SP6: variants seen among roughly 807,000 people sequenced by gnomAD.
SP6 encodes the protein transcription factor Sp6.
In SP6, 10 loss-of-function variants were observed where a neutral mutation model predicts 23.4. The observed-to-expected ratio is 0.43, with a 90% CI of 0.26 to 0.72. The LOEUF (loss-of-function observed/expected upper bound fraction) is 0.72. Ranked by LOEUF, SP6 falls within the 30% of genes least tolerant of loss-of-function variation. The pLI, the probability that SP6 is intolerant of heterozygous loss-of-function variation, is 0.23. For missense variants in SP6, 482 were observed against 523.8 expected (o/e 0.92, Z 0.78); for synonymous variants, 238 against 238.7 (o/e 1.00, Z 0.03).
At chr17:47,864,001 C>CTT in the SP6 span, among the ~76,000 whole-genome samples, 244 of 101,578 alleles carry the variant, frequency 2.4e-3, 11 homozygotes, top group African/African-American at 5.6e-3. Context: ...CCGCGCCTGG[C>CTT]TTTTTTTTTT....
chr17:47,859,662 G>A (rs1430851792), upstream of SP6, among the ~76,000 whole-genome samples: 14 of 152,274 alleles, frequency 9.2e-5, 1 homozygote, highest in Middle Eastern at 0.024. Context: ...AGCCTGGGTC[G>A]GGGAACTTAA....
chr17:47,868,517 C>T, the SP6 span, among the ~76,000 whole-genome samples: 1 of 152,284 alleles, frequency 6.6e-6, no homozygotes, highest in Admixed American at 6.5e-5. Context: ...CCAGAGCTGC[C>T]TACATCAGAG....
rs1296716024 is a variant in SP6 at position 47,847,669 on chromosome 17, T to C, written c.761A>G (p.His254Arg). ...CCCGCAGCCCGGGATGTGGCAGTTG[T>C]GCAAATGCTTCTTCTTGCCCCCATC... Reference protein sequence around the residue: ...GPDGGKKKHLHNCHIPGCGKA... With the variant: ...GPDGGKKKHLRNCHIPGCGKA... The change falls in exon 2 of 2, where the codon CAC becomes CGC. Residue 254 changes from histidine to arginine, a missense_variant. Physicochemically the swap from His to Arg is conservative, Grantham distance 29. Transcript: ENST00000536300. The C allele has an allele frequency of 1.2e-6, 2 of 1,612,144 alleles. No homozygotes were observed. Among genetic ancestry groups the C allele is most frequent in the Admixed American group, 1.7e-5 (1 of 59,956 alleles).
the SP6 span, among the ~76,000 whole-genome samples, chr17:47,862,046 G>GAAAAAAAA: frequency 8.1e-6 from 1 of 122,702 alleles, no homozygotes; most frequent in African/African-American, 3.1e-5. Flanking sequence ...CCCTGTCTCA[G>GAAAAAAAA]AAAAAAAAAA....
chr17:47,872,008 C>A, the SP6 span, among the ~76,000 whole-genome samples: 1 of 152,270 alleles, frequency 6.6e-6, no homozygotes, highest in African/African-American at 2.4e-5. Flanking sequence ...TTGTCTCAGG[C>A]CCAATCTATT....
chr17:47,854,831 T>G (rs1287101418), upstream of SP6, among the ~76,000 whole-genome samples: 1 of 151,602 alleles, frequency 6.6e-6, no homozygotes. Flanking sequence ...CAGACCAGAG[T>G]CTGGTCCTGT....
chr17:47,852,724 C>T (rs976174472), upstream of SP6, among the ~76,000 whole-genome samples: 4 of 152,002 alleles, frequency 2.6e-5, no homozygotes, highest in African/African-American at 9.7e-5. Flanking sequence ...TGCATGGTAC[C>T]CCTCAGACAC....
chr17:47,850,190 G>A (rs2033939737), intron 1 of SP6, among the ~76,000 whole-genome samples: 1 of 152,174 alleles, frequency 6.6e-6, no homozygotes, highest in South Asian at 2.1e-4. Context: ...GGGAAGGCTA[G>A]GATAATCTGG....
chr17:47,855,968 G>A (rs919825039), upstream of SP6: 1 of 152,262 alleles, frequency 6.6e-6, no homozygotes, highest in African/African-American at 2.4e-5. Flanking sequence ...GTGGGAGAGG[G>A]ACAAAGTGGT....
In SP6 at chr17:47,846,874, A is replaced by T; in HGVS notation, c.*425T>A. 6.1e-6 allele frequency: 1 copy of T among 164,742 alleles called. No individual in the cohort carries two copies. The allele number at this position is 164,742 out of a possible 1,614,324, so 10.2% of individuals were successfully genotyped here. A position where few individuals can be genotyped will look rare whatever the true frequency, so the allele number is the denominator to read the frequency against. ...GCAGGGCGGCTCCGGAGGCGCTTTT[A>T]TGTCCTGGTTCCCAGGCGCTAAGGA... On this transcript the variant is annotated 3_prime_UTR_variant, in exon 2 of 2. Transcript: ENST00000536300.
chr17:47,859,123 C>T (rs1414882405), upstream of SP6, among the ~76,000 whole-genome samples: 1 of 152,158 alleles, frequency 6.6e-6, no homozygotes, highest in East Asian at 1.9e-4. Flanking sequence ...ATCTCCAACA[C>T]ATCCAGTGGC....
chr17:47,850,753 T>A (rs1348513992), intron 1 of SP6, among the ~76,000 whole-genome samples, 166 bp downstream of exon 1: 2 of 152,214 alleles, frequency 1.3e-5, no homozygotes, highest in Non-Finnish European at 2.9e-5. Flanking sequence ...GTCCCTCCAG[T>A]CTCTCCCGTC....
rs376822273 is a variant in SP6, at chr17:47,845,926, C to G, written c.*1373G>C. ...GTCAGACCCTTCCTCATATCAGCTT[C>G]TTTCCCCTCTGCCTGGCTCAGCTTC... On this transcript the variant is annotated 3_prime_UTR_variant, in exon 2 of 2. Transcript: ENST00000536300. The G allele has an allele frequency of 6.6e-6, 1 of 152,212 alleles. No individual in the cohort carries two copies. The highest frequency in any genetic ancestry group is 1.5e-5 in the Non-Finnish European group (1 of 68,054). The allele number at this position is 152,212 out of a possible 1,614,324, so 9.4% of individuals were successfully genotyped here.
the SP6 span, among the ~76,000 whole-genome samples, chr17:47,871,912 C>T: frequency 6.6e-6 from 1 of 152,208 alleles, no homozygotes; most frequent in African/African-American, 2.4e-5. Context: ...TCAGCCACCG[C>T]GCCCGGCCTC....
rs2033893847 is a variant in SP6 at position 47,847,129 on chromosome 17, G to A, written c.*170C>T. ...AAATTCATCCTGCCTAGTAGCCCCA[G>A]AGACTAAGAACCCCTAGCGCCCCAT... On this transcript the variant is annotated 3_prime_UTR_variant, in exon 2 of 2. Coordinates refer to ENST00000536300, the MANE Select transcript of SP6 (RefSeq NM_001258248.2). 1.5e-6 allele frequency: 1 copy of A among 685,690 alleles called. No homozygotes were observed. 42.5% of individuals were successfully genotyped at this position (685,690 alleles called of 1,614,324 possible).
In SP6 at chr17:47,847,708, G is replaced by A. The variant is rs143988077; in HGVS notation, c.722C>T (p.Ala241Val). The stretch of plus-strand genomic sequence containing the variant: ...CTTGCCCCCATCGGGCCCACATGGA[G>A]CCCCCAGTCGCTCCGCCTCCAGACA... ...PNCLEAERLG[A>V]PCGPDGGKKK... Residue 241 changes from alanine (A) to valine (V), a missense_variant, in exon 2 of 2, where the codon GCT becomes GTT. Physicochemically the swap from Ala to Val is moderately conservative, Grantham distance 64. Transcript: ENST00000536300. 2 of 1,601,776 alleles carry A rather than the reference G, an allele frequency of 1.2e-6. No homozygotes were observed. Among genetic ancestry groups the A allele is most frequent in the Non-Finnish European group, 1.7e-6 (2 of 1,172,910 alleles).
the SP6 span, among the ~76,000 whole-genome samples, chr17:47,872,242 C>G: frequency 1.3e-5 from 2 of 152,180 alleles, no homozygotes; most frequent in Admixed American, 6.5e-5. Flanking sequence ...AATCCCAGAT[C>G]GGTTCTCGGG....
In SP6 at chr17:47,848,714, G is replaced by A. The variant is rs1483791657; in HGVS notation, c.-57-228C>T. Among the ~76,000 whole-genome samples, 13 of 152,072 alleles carry A rather than the reference G, an allele frequency of 8.5e-5. No homozygotes were observed. The highest frequency in any genetic ancestry group is 8.3e-4 in the South Asian group (4 of 4,830). On this transcript the variant is annotated intron_variant, in intron 1 of 1. Transcript: ENST00000536300. The surrounding 1 kb of genome is among the most constrained non-coding windows in gnomAD (Gnocchi z 5.3). ...TACCTTCCTCTGGGTGATCCCTGCCGTATGACCCAGCTCATCCCTAGAGTT... is the reference window on the plus strand; with the variant it reads ...TACCTTCCTCTGGGTGATCCCTGCCATATGACCCAGCTCATCCCTAGAGTT...
upstream of SP6, among the ~76,000 whole-genome samples, chr17:47,860,575 C>T (rs2034028477): frequency 6.6e-6 from 1 of 152,006 alleles, no homozygotes; most frequent in African/African-American, 2.4e-5. Context: ...CTATAAATCC[C>T]CTTGTCGGCT....
Sources: allele counts gnomAD v4.1 joint callset (sites outside exome capture counted in the v4.1 genomes callset), GRCh38; gene constraint gnomAD v4.1.1; non-coding constraint Gnocchi (gnomAD v3.1); transcripts MANE v1.5; gene names NCBI Gene and HGNC (gene_info 2026-07-23, HGNC 2026-07-21).